CDC14A: variants seen among roughly 807,000 people sequenced by gnomAD.
The protein encoded by CDC14A is cell division cycle 14A, also known as dual specificity protein phosphatase CDC14A.
A neutral mutation model predicts 74.4 loss-of-function variants in CDC14A; 53 were observed. The observed-to-expected ratio is 0.71, with a 90% CI of 0.57 to 0.89. The LOEUF (loss-of-function observed/expected upper bound fraction) is 0.89. CDC14A is among the 40% of genes least tolerant of loss of function. CDC14A has a pLI of 0.00. For missense variants in CDC14A, 646 were observed against 713.7 expected, an observed-to-expected ratio of 0.91 and a Z score of 1.08; for synonymous variants, 247 against 258.4, an observed-to-expected ratio of 0.96 and a Z score of 0.43.
chr1:100,415,761 C>T (rs1325289098), intron 4 of CDC14A, among the ~76,000 whole-genome samples: 3 of 152,166 alleles, frequency 2.0e-5, no homozygotes, highest in Non-Finnish European at 4.4e-5. Context: ...GATTTGTAAT[C>T]AGACTGACTT....
At chr1:100,505,936 C>A (rs1649192109) in intron 15 of CDC14A, among the ~76,000 whole-genome samples, 1 of 151,960 alleles carries the variant, frequency 6.6e-6, no homozygotes, top group Non-Finnish European at 1.5e-5. Flanking sequence ...TATCACATGG[C>A]AAGAGGGAAC....
chr1:100,437,260 T>G (rs1392101235), intron 5 of CDC14A, among the ~76,000 whole-genome samples: 1 of 152,182 alleles, frequency 6.6e-6, no homozygotes. Context: ...TCTTCTCTCT[T>G]TCTCCCCCAG....
In CDC14A at chr1:100,431,297, C is replaced by CT. The variant is rs552460071; in HGVS notation, c.389+7009dup. Among the ~76,000 whole-genome samples the CT allele has an allele frequency of 7.2e-3, 1,037 of 144,260 alleles. 15 individuals are homozygous for CT. Among genetic ancestry groups the CT allele is most frequent in the African/African-American group, 0.023 (898 of 39,682 alleles). 94.6% of individuals were successfully genotyped at this position (144,260 alleles called of 152,430 possible). A position where few individuals can be genotyped will look rare whatever the true frequency, so the allele number is the denominator to read the frequency against. Reference sequence around the variant, plus strand: ...GTGTTGCGAAAATTCGCTCAGACTACTTTTTTTTTTTTTATTCCTACCTTT... The same window carrying CT: ...GTGTTGCGAAAATTCGCTCAGACTACTTTTTTTTTTTTTTATTCCTACCTTT... On this transcript the variant is annotated intron_variant, in intron 5 of 15. Transcript: ENST00000336454.
chr1:100,475,740 G>A (rs956882147), intron 10 of CDC14A, among the ~76,000 whole-genome samples: 1 of 152,050 alleles, frequency 6.6e-6, no homozygotes, highest in African/African-American at 2.4e-5. Context: ...GTTACTGAAG[G>A]GTGTTGGTGA....
At chr1:100,444,746 A>G (rs1489766816) in intron 7 of CDC14A, among the ~76,000 whole-genome samples, 2 of 151,744 alleles carry the variant, frequency 1.3e-5, no homozygotes, top group Non-Finnish European at 2.9e-5. Context: ...TGTACTTTCC[A>G]TTTTTCTTAT....
intron 5 of CDC14A, among the ~76,000 whole-genome samples, chr1:100,431,424 G>A (rs1246449629): frequency 6.6e-6 from 1 of 151,838 alleles, no homozygotes; most frequent in Non-Finnish European, 1.5e-5. Flanking sequence ...TGATAAATAT[G>A]GTTTTGAATA....
intron 10 of CDC14A, among the ~76,000 whole-genome samples, chr1:100,482,031 C>G (rs897993198): frequency 2.0e-5 from 3 of 152,210 alleles, no homozygotes; most frequent in African/African-American, 7.2e-5. Flanking sequence ...CAAATCAGCT[C>G]TGACACCTTA....
chr1:100,488,244 A>G (rs1228107180), intron 11 of CDC14A, among the ~76,000 whole-genome samples: 2 of 152,202 alleles, frequency 1.3e-5, no homozygotes, highest in African/African-American at 4.8e-5. Context: ...TGTTTTAGGC[A>G]CTTGACATTA....
chr1:100,375,881 A>G (rs1261701002), intron 2 of CDC14A, among the ~76,000 whole-genome samples: 1 of 152,222 alleles, frequency 6.6e-6, no homozygotes, highest in Non-Finnish European at 1.5e-5. Flanking sequence ...CACAATAGCA[A>G]AGACTTGGAA....
At chr1:100,419,258 G>A (rs1424116943) in intron 4 of CDC14A, among the ~76,000 whole-genome samples, 2 of 152,164 alleles carry the variant, frequency 1.3e-5, no homozygotes, top group Admixed American at 1.3e-4. Flanking sequence ...TTGACTTGAT[G>A]TGGCTATCAC....
In CDC14A at chr1:100,352,929, C is replaced by T. The variant is rs192033729; in HGVS notation, c.-26C>T. Reference sequence around the variant, plus strand: ...TGACTTCAGCTGGCCACGACCCAGCCCTCCCCCGTGCGTATCTCGCTTAAG... The same window carrying T: ...TGACTTCAGCTGGCCACGACCCAGCTCTCCCCCGTGCGTATCTCGCTTAAG... On this transcript the variant is annotated 5_prime_UTR_variant, in exon 1 of 16. Coordinates refer to ENST00000336454, the MANE Select transcript of CDC14A (RefSeq NM_003672.4). 2.7e-5 allele frequency: 43 copies of T among 1,613,602 alleles called. No individual in the cohort carries two copies. The African/African-American group carries it at 5.5e-4, about 21-fold the overall frequency.
At chr1:100,352,003 T>TGTGCGCGC (rs1553167114), upstream of CDC14A, among the ~76,000 whole-genome samples, 2,478 of 122,626 alleles carry the variant, frequency 0.02, 35 homozygotes, top group Middle Eastern at 0.022. Flanking sequence ...TGTGTGTGTG[T>TGTGCGCGC]GCGCGCGCGC....
intron 3 of CDC14A, among the ~76,000 whole-genome samples, chr1:100,381,602 TG>T (rs1656103923): frequency 3.3e-5 from 5 of 152,240 alleles, no homozygotes; most frequent in Admixed American, 3.3e-4. Flanking sequence ...AATGAGAAGA[TG>T]TTTTTTTCCA....
intron 10 of CDC14A, among the ~76,000 whole-genome samples, chr1:100,477,165 C>A (rs544770935): frequency 2.0e-5 from 3 of 152,282 alleles, no homozygotes; most frequent in Non-Finnish European, 2.9e-5. Flanking sequence ...TTTCAGACTT[C>A]CAACTCCAGA....
intron 2 of CDC14A, among the ~76,000 whole-genome samples, chr1:100,361,593 A>T (rs1282067280): frequency 6.6e-6 from 1 of 152,212 alleles, no homozygotes; most frequent in African/African-American, 2.4e-5. Flanking sequence ...ATGAGTGAGT[A>T]AGTGAATGAG....
intron 2 of CDC14A, among the ~76,000 whole-genome samples, chr1:100,364,649 T>C (rs928711309): frequency 2.0e-5 from 3 of 152,232 alleles, no homozygotes; most frequent in Non-Finnish European, 4.4e-5. Flanking sequence ...TTGCATATAC[T>C]GTCTGTATAG....
chr1:100,500,999 G>A (rs1648659034), intron 15 of CDC14A, among the ~76,000 whole-genome samples: 1 of 151,894 alleles, frequency 6.6e-6, no homozygotes, highest in South Asian at 2.1e-4. Flanking sequence ...TTACAGGCAT[G>A]AGCCACCATG....
chr1:100,352,069 G>A (rs1036810231), upstream of CDC14A, among the ~76,000 whole-genome samples: 5 of 151,382 alleles, frequency 3.3e-5, no homozygotes, highest in African/African-American at 1.2e-4. Flanking sequence ...GAAAGAGAAT[G>A]AGAGAGAGAG....
Position 100,357,464 on chromosome 1 carries a change from C to T in CDC14A, c.140+3612C>T, listed in dbSNP as rs190713765. Among the ~76,000 whole-genome samples the T allele has an allele frequency of 4.4e-4, 67 of 152,194 alleles. 1 individual carries two copies. The highest frequency in any genetic ancestry group is 3.9e-4 in the East Asian group (2 of 5,188). On this transcript the variant is annotated intron_variant, in intron 2 of 15. Transcript: ENST00000336454. ...GCCCCTAGAAGGATGTCTAGTAACC[C>T]GGGCTCTGTCTGGAGGACGTCCTAC...
Sources: allele counts gnomAD v4.1 joint callset (sites outside exome capture counted in the v4.1 genomes callset), GRCh38; gene constraint gnomAD v4.1.1; transcripts MANE v1.5; gene names NCBI Gene and HGNC (gene_info 2026-07-23, HGNC 2026-07-21).